The following ASTN1 variants were observed in gnomAD, a reference collection of about 807,000 sequenced individuals.
ASTN1 encodes astrotactin-1.
In ASTN1, 41 loss-of-function variants were observed where a neutral mutation model predicts 140.7. That is an observed-to-expected ratio of 0.29 (90% confidence interval 0.23 to 0.38). ASTN1 has a LOEUF of 0.38. Ranked by LOEUF, ASTN1 falls within the 10% of genes least tolerant of loss-of-function variation. ASTN1 has a pLI of 1.00. For synonymous variants in ASTN1, 640 were observed against 652.2 expected (o/e 0.98, Z 0.29); for missense variants, 1,479 against 1,678.8 (o/e 0.88, Z 2.08).
chr1:177,057,203 A>G (rs1239771353), intron 2 of ASTN1, among the ~76,000 whole-genome samples: 1 of 150,916 alleles, frequency 6.6e-6, no homozygotes, highest in Non-Finnish European at 1.5e-5. Flanking sequence ...ATGTGATTGA[A>G]AAATAAGAAA....
chr1:176,868,710 A>G (rs866231535), intron 22 of ASTN1, 134 bp downstream of exon 22: 2 of 967,924 alleles, frequency 2.1e-6, no homozygotes, highest in Non-Finnish European at 2.9e-6. Context: ...ACTGTCTTAA[A>G]TCAGAGGACT....
At chr1:177,008,005 T>C (rs1209264198) in intron 8 of ASTN1, among the ~76,000 whole-genome samples, 1 of 152,204 alleles carries the variant, frequency 6.6e-6, no homozygotes. Context: ...CACAAGGGTT[T>C]TGTGAAAAAT....
chr1:177,150,209 T>C (rs1241445144), intron 1 of ASTN1, among the ~76,000 whole-genome samples: 1 of 151,950 alleles, frequency 6.6e-6, no homozygotes, highest in Non-Finnish European at 1.5e-5. Flanking sequence ...TATTAATGGT[T>C]TGAAACAGTC....
intron 22 of ASTN1, among the ~76,000 whole-genome samples, chr1:176,867,731 A>G (rs1001396112): frequency 3.9e-5 from 6 of 152,212 alleles, no homozygotes; most frequent in African/African-American, 1.2e-4. Context: ...AATGTCCTCA[A>G]TGATGGTCTT....
intron 8 of ASTN1, among the ~76,000 whole-genome samples, chr1:177,003,947 C>A (rs1405031565): frequency 1.3e-5 from 2 of 152,096 alleles, no homozygotes; most frequent in Non-Finnish European, 2.9e-5. Flanking sequence ...CACTTCTATT[C>A]AACATAGTAT....
intron 2 of ASTN1, among the ~76,000 whole-genome samples, chr1:177,051,424 G>A (rs1471472597): frequency 6.6e-6 from 1 of 152,192 alleles, no homozygotes; most frequent in African/African-American, 2.4e-5. Flanking sequence ...ACTGTGCATG[G>A]TTACTTGGGC....
intron 11 of ASTN1, 22 bp from the exon 12 acceptor site, chr1:176,949,373 C>T: frequency 6.2e-7 from 1 of 1,603,698 alleles, no homozygotes; most frequent in Non-Finnish European, 8.5e-7. Context: ...AGAAAACATC[C>T]ACATACGTGG....
chr1:176,882,012 A>T (rs2103025600), intron 20 of ASTN1, among the ~76,000 whole-genome samples: 1 of 152,288 alleles, frequency 6.6e-6, no homozygotes, highest in South Asian at 2.1e-4. Context: ...CTGCCTTAGC[A>T]CCCAAATTTT....
In ASTN1 at chr1:177,023,653, A is replaced by G. The variant is rs742121; in HGVS notation, c.1271-82T>C. The G allele has an allele frequency of 8.9e-4, 1,235 of 1,382,454 alleles. 10 individuals are homozygous for G. The African/African-American group carries it at 0.016, about 17-fold the overall frequency. 85.6% of individuals were successfully genotyped at this position (1,382,454 alleles called of 1,614,324 possible). ...AGCCACCGAAGACAAGGAAATCCCA[A>G]CCTGAGAATTAGTACCAATCAGAGA... On this transcript the variant is annotated intron_variant, in intron 6 of 22. Transcript: ENST00000361833.
intron 22 of ASTN1, among the ~76,000 whole-genome samples, chr1:176,865,366 G>A (rs974900232): frequency 6.6e-6 from 1 of 152,206 alleles, no homozygotes. Flanking sequence ...GAAAGGACTG[G>A]CAACACCATG....
intron 16 of ASTN1, among the ~76,000 whole-genome samples, chr1:176,923,599 A>G (rs1205083180): frequency 1.3e-5 from 2 of 152,184 alleles, no homozygotes; most frequent in African/African-American, 4.8e-5. Flanking sequence ...CTTTTATTAC[A>G]GTATAATTAT....
chr1:176,889,192 C>T (rs1047036425), intron 17 of ASTN1, among the ~76,000 whole-genome samples: 2 of 152,184 alleles, frequency 1.3e-5, no homozygotes, highest in South Asian at 2.1e-4. Context: ...TCCCTGGTGG[C>T]GACGTGGATC....
intron 8 of ASTN1, among the ~76,000 whole-genome samples, chr1:176,966,337 T>C (rs988633485): frequency 6.6e-6 from 1 of 152,198 alleles, no homozygotes; most frequent in Non-Finnish European, 1.5e-5. Flanking sequence ...TGTTCTTCAA[T>C]GACACAATGA....
In ASTN1 at chr1:176,889,519, T is replaced by C. The variant is rs548146422; in HGVS notation, c.2941-1315A>G. 2.6e-5 allele frequency among the ~76,000 whole-genome samples: 4 copies of C among 152,328 alleles called. No homozygotes were observed. The East Asian group carries it at 7.7e-4, about 29-fold the overall frequency. On this transcript the variant is annotated intron_variant, in intron 17 of 22. Transcript: ENST00000361833. ...AAAGAGACAAACGGAAAACAGGAGATAACTCTCCAAAAATCAGAATGTCTA... is the reference window on the plus strand; with the variant it reads ...AAAGAGACAAACGGAAAACAGGAGACAACTCTCCAAAAATCAGAATGTCTA...
intron 1 of ASTN1, among the ~76,000 whole-genome samples, chr1:177,149,344 A>G (rs1211355872): frequency 4.9e-5 from 4 of 81,658 alleles, no homozygotes; most frequent in Non-Finnish European, 5.9e-5. Flanking sequence ...ATATATATAT[A>G]GTATATATAT....
intron 8 of ASTN1, among the ~76,000 whole-genome samples, chr1:176,968,885 T>G (rs1673007436): frequency 6.6e-6 from 1 of 151,908 alleles, no homozygotes; most frequent in Non-Finnish European, 1.5e-5. Context: ...TAAGTGGTAA[T>G]GGCTGGTGGT....
intron 1 of ASTN1, among the ~76,000 whole-genome samples, chr1:177,131,410 A>G (rs1449275916): frequency 6.6e-6 from 1 of 152,220 alleles, no homozygotes; most frequent in African/African-American, 2.4e-5. Context: ...ATGCTAGAAT[A>G]TCATTGTTTA....
intron 14 of ASTN1, among the ~76,000 whole-genome samples, chr1:176,942,820 G>A (rs112975398): frequency 0.08 from 2,003 of 25,042 alleles, 117 homozygotes; most frequent in East Asian, 0.18. Flanking sequence ...TTGTGTGTGT[G>A]TATATATATA....
downstream of ASTN1, among the ~76,000 whole-genome samples, chr1:176,859,293 C>A (rs749537269): frequency 1.2e-4 from 19 of 152,304 alleles, no homozygotes; most frequent in Non-Finnish European, 2.6e-4. Flanking sequence ...TACAGTGCCC[C>A]ACCCTTCTTC....
Sources: allele counts gnomAD v4.1 joint callset (sites outside exome capture counted in the v4.1 genomes callset), GRCh38; gene constraint gnomAD v4.1.1; transcripts MANE v1.5; gene names NCBI Gene and HGNC (gene_info 2026-07-23, HGNC 2026-07-21).